The following TERT variants were observed in gnomAD, a reference collection of about 807,000 sequenced individuals.
TERT encodes the protein telomerase catalytic subunit.
Under a neutral mutation model 104.0 loss-of-function variants are expected in TERT, and 42 were observed. The observed-to-expected ratio is 0.40, with a 90% CI of 0.32 to 0.52. The LOEUF (loss-of-function observed/expected upper bound fraction) is 0.52. TERT is among the 20% of genes least tolerant of loss of function. The pLI, the probability that TERT is intolerant of heterozygous loss-of-function variation, is 0.43. For missense variants in TERT, 1,101 were observed against 1,610.3 expected (o/e 0.68, Z 5.41); for synonymous variants, 781 against 725.6 (o/e 1.08, Z -1.23).
rs919793127 is a variant in TERT at position 1,270,928 on chromosome 5, C to T, written c.2468+191G>A. On this transcript the variant is annotated intron_variant, in intron 8 of 15. Transcript: ENST00000310581. This position sits in a 1 kb window ranked among gnomAD's most constrained non-coding sequence, Gnocchi z 8.3. ...GGCACCTGCTCCGCTCCGGCTGCCG[C>T]AAGCCGAGCCATGTTTCCGGGGCCT... Among the ~76,000 whole-genome samples the T allele has an allele frequency of 6.6e-6, 1 of 152,224 alleles. No homozygotes were observed. Among genetic ancestry groups the T allele is most frequent in the Non-Finnish European group, 1.5e-5 (1 of 68,032 alleles).
intron 2 of TERT, among the ~76,000 whole-genome samples, chr5:1,283,455 CG>C (rs1750205703): frequency 1.4e-5 from 2 of 139,704 alleles, no homozygotes; most frequent in African/African-American, 5.4e-5. Flanking sequence ...TCCAGCTAAC[CG>C]CAGGGCCTGG....
chr5:1,275,595 T>TA (rs1165144227), intron 6 of TERT, among the ~76,000 whole-genome samples: 1 of 151,974 alleles, frequency 6.6e-6, no homozygotes, highest in Admixed American at 6.6e-5. Context: ...ACCCCTGACT[T>TA]ACTATAAACC....
At chr5:1,291,120 C>T (rs1579592999) in intron 2 of TERT, among the ~76,000 whole-genome samples, 1 of 137,648 alleles carries the variant, frequency 7.3e-6, no homozygotes, top group Non-Finnish European at 1.6e-5. Flanking sequence ...TCACCCTGCA[C>T]GTGACAGGGA....
rs374744894 is a variant in TERT at position 1,254,856 on chromosome 5, C to T, written c.3158-351G>A. ...CGCGGGGCTCTGTCGTGGTGATACG[C>T]GGCCTCTGCTCCTGAGAGGGGTGGG... On this transcript the variant is annotated intron_variant, in intron 14 of 15. Transcript: ENST00000310581. 4.3e-4 allele frequency among the ~76,000 whole-genome samples: 66 copies of T among 152,076 alleles called. No individual in the cohort carries two copies. In the South Asian group the frequency reaches 8.5e-3, roughly 20 times the overall value.
intron 2 of TERT, among the ~76,000 whole-genome samples, chr5:1,289,245 C>T (rs1260048550): frequency 2.1e-5 from 3 of 142,018 alleles, no homozygotes; most frequent in Non-Finnish European, 3.1e-5. Flanking sequence ...CAGGGACACC[C>T]GGGGATGGCG....
chr5:1,276,508 A>T (rs867267582), intron 6 of TERT, among the ~76,000 whole-genome samples: 9 of 133,108 alleles, frequency 6.8e-5, no homozygotes, highest in South Asian at 5.1e-4. Flanking sequence ...ACCCCACACA[A>T]GAAAACCAAT....
In TERT at chr5:1,280,347, G is replaced by A. The variant is rs780230412; in HGVS notation, c.1770-9C>T. The A allele has an allele frequency of 6.2e-7, 1 of 1,611,938 alleles. No individual in the cohort carries two copies. The highest frequency in any genetic ancestry group is 8.5e-7 in the Non-Finnish European group (1 of 1,179,936). The stretch of plus-strand genomic sequence containing the variant: ...CCCTCTTCAAGTGCTGTCTGCAATA[G>A]AGAGCCCCTCAGGAGGCTTGCTCAG... On this transcript the variant is annotated splice_polypyrimidine_tract_variant and intron_variant, in intron 3 of 15. Coordinates refer to ENST00000310581, the MANE Select transcript of TERT (RefSeq NM_198253.3).
chr5:1,270,101 C>T lies in TERT; in HGVS notation c.2468+1018G>A, dbSNP rs755220945. Among the ~76,000 whole-genome samples, 1 of 152,180 alleles carries T rather than the reference C, an allele frequency of 6.6e-6. No homozygotes were observed. Among genetic ancestry groups the T allele is most frequent in the Non-Finnish European group, 1.5e-5 (1 of 68,022 alleles). ...TCTGTGGGCCTGGGGGCCGCTTACA[C>T]ACATGTGCACACGTGTCCCTCGGCC... On this transcript the variant is annotated intron_variant, in intron 8 of 15. Transcript: ENST00000310581. The surrounding 1 kb of genome is among the most constrained non-coding windows in gnomAD (Gnocchi z 8.3).
At position 1,287,902 on chromosome 5, in the gene TERT, T is replaced by C. The variant is rs532935981; in HGVS notation, c.1574-5278A>G. ...TTACAATGGACAGTTCTGGAAACCA[T>C]GCACACACTAGATCACAAAGCAAGG... On this transcript the variant is annotated intron_variant, in intron 2 of 15. Transcript: ENST00000310581. This position sits in a 1 kb window ranked among gnomAD's most constrained non-coding sequence, Gnocchi z 4.3. Among the ~76,000 whole-genome samples, 1 of 151,904 alleles carries C rather than the reference T, an allele frequency of 6.6e-6. No homozygotes were observed. The highest frequency in any genetic ancestry group is 2.1e-4 in the South Asian group (1 of 4,796).
At position 1,288,750 on chromosome 5, in the gene TERT, C is replaced by T. The variant is rs1433390837; in HGVS notation, c.1573+4563G>A. ...ACACAGGCAGCCCAGAGTCCAGCCTCGGCATGAGACAAGCTGGGAGAGGAG... is the reference window on the plus strand; with the variant it reads ...ACACAGGCAGCCCAGAGTCCAGCCTTGGCATGAGACAAGCTGGGAGAGGAG... On this transcript the variant is annotated intron_variant, in intron 2 of 15. Coordinates refer to ENST00000310581, the MANE Select transcript of TERT (RefSeq NM_198253.3). The surrounding 1 kb of genome is among the most constrained non-coding windows in gnomAD (Gnocchi z 5.3). Among the ~76,000 whole-genome samples, 1 of 152,146 alleles carries T rather than the reference C, an allele frequency of 6.6e-6. No homozygotes were observed. Among genetic ancestry groups the T allele is most frequent in the Admixed American group, 6.5e-5 (1 of 15,280 alleles).
chr5:1,286,100 C>T lies in TERT; in HGVS notation c.1574-3476G>A, dbSNP rs1321388176. On this transcript the variant is annotated intron_variant, in intron 2 of 15. Transcript: ENST00000310581. This position sits in a 1 kb window ranked among gnomAD's most constrained non-coding sequence, Gnocchi z 5.3. ...GGGGTTTTCCAGGCTGAACCCAGGCCGAGCGGACGTTGCTGTCACTCACTG... is the reference window on the plus strand; with the variant it reads ...GGGGTTTTCCAGGCTGAACCCAGGCTGAGCGGACGTTGCTGTCACTCACTG... 1.3e-5 allele frequency among the ~76,000 whole-genome samples: 2 copies of T among 152,228 alleles called. No individual in the cohort carries two copies. Among genetic ancestry groups the T allele is most frequent in the East Asian group, 1.9e-4 (1 of 5,160 alleles).
intron 6 of TERT, among the ~76,000 whole-genome samples, chr5:1,278,156 G>A (rs1434097696): frequency 6.6e-6 from 1 of 152,214 alleles, no homozygotes; most frequent in Non-Finnish European, 1.5e-5. Context: ...CCTGTGACAG[G>A]ACAGGGGCAC....
At chr5:1,260,083 T>C (rs1243297739) in intron 12 of TERT, among the ~76,000 whole-genome samples, 1 of 152,178 alleles carries the variant, frequency 6.6e-6, no homozygotes, top group Non-Finnish European at 1.5e-5. Flanking sequence ...CGTCTCATCC[T>C]GTAAGGAGTG....
Position 1,254,289 on chromosome 5 carries a change from A to G in TERT, c.3295+79T>C. On this transcript the variant is annotated intron_variant, in intron 15 of 15. Transcript: ENST00000310581. ...GGCGTCTGCACTTCAGCAGCATCTG[A>G]GGCTGCTCGCCCCACACAGGGCGTT... The G allele has an allele frequency of 2.5e-6, 4 of 1,599,198 alleles. No individual in the cohort carries two copies. The Admixed American group carries it at 6.7e-5, about 27-fold the overall frequency.
At position 1,275,085 on chromosome 5, in the gene TERT, C is replaced by T. The variant is rs183232300; in HGVS notation, c.2287-2805G>A. On this transcript the variant is annotated intron_variant, in intron 6 of 15. Coordinates refer to ENST00000310581, the MANE Select transcript of TERT (RefSeq NM_198253.3). ...CAGATCTCACGGAAGCTGCAGGAAG[C>T]GAGTCTCGGCCGGGCGCGGCGGTTC... is the stretch of plus-strand genomic sequence containing the variant. Among the ~76,000 whole-genome samples the T allele has an allele frequency of 3.1e-3, 473 of 152,262 alleles. 1 individual carries two copies. Among genetic ancestry groups the T allele is most frequent in the Middle Eastern group, 6.8e-3 (2 of 294 alleles).
chr5:1,271,209 G>C lies in TERT; in HGVS notation c.2383-5C>G, dbSNP rs373488315. 17 of 1,609,632 alleles carry C rather than the reference G, an allele frequency of 1.1e-5. No homozygotes were observed. In the African/African-American group the frequency reaches 1.7e-4, roughly 16 times the overall value. On this transcript the variant is annotated splice_polypyrimidine_tract_variant and splice_region_variant and intron_variant, in intron 7 of 15. Transcript: ENST00000310581. ...GGCCTCATTCAGGGAGGAGCTCTGC[G>C]AAAGCAGACGGGAGACACATGGGAG... is the stretch of plus-strand genomic sequence containing the variant.
rs936555412 is a variant in TERT, at chr5:1,261,984, G to A, written c.2844-1384C>T. ...CCTTAAATAAATCACGTGCACAAAC[G>A]CTCCAGGGAATGGCCATTTTCACTG... On this transcript the variant is annotated intron_variant, in intron 11 of 15. Transcript: ENST00000310581. This position sits in a 1 kb window ranked among gnomAD's most constrained non-coding sequence, Gnocchi z 7.4. Among the ~76,000 whole-genome samples, 6 of 152,166 alleles carry A rather than the reference G, an allele frequency of 3.9e-5. No homozygotes were observed. Among genetic ancestry groups the A allele is most frequent in the African/African-American group, 7.2e-5 (3 of 41,440 alleles).
intron 2 of TERT, among the ~76,000 whole-genome samples, chr5:1,289,834 G>A (rs1750762392): frequency 9.6e-6 from 1 of 104,528 alleles, no homozygotes; most frequent in African/African-American, 4.5e-5. Context: ...AGGGACACCC[G>A]GGGACAGTGC....
intron 12 of TERT, among the ~76,000 whole-genome samples, chr5:1,260,205 CCA>C (rs1454720614): frequency 6.6e-6 from 1 of 152,222 alleles, no homozygotes; most frequent in East Asian, 1.9e-4. Flanking sequence ...ACGTGAATGC[CCA>C]CACGACTGTG....
Sources: gnomAD v4.1 joint callset for allele counts (sites outside exome capture counted in the v4.1 genomes callset) on GRCh38, gnomAD v4.1.1 for gene constraint, Gnocchi (gnomAD v3.1) non-coding constraint, MANE v1.5 for transcripts, NCBI Gene and HGNC (gene_info 2026-07-23, HGNC 2026-07-21) for gene names.